The following EFCAB5 variants were observed in gnomAD, a reference collection of about 807,000 sequenced individuals.
The protein encoded by EFCAB5 is EF-hand calcium-binding domain-containing protein 5.
In EFCAB5, 131 loss-of-function variants were observed where a neutral mutation model predicts 167.9. The observed-to-expected ratio is 0.78, with a 90% CI of 0.68 to 0.90. The LOEUF (loss-of-function observed/expected upper bound fraction) is 0.90, where lower values mean the gene tolerates loss of function less well. Among genes scored for constraint, EFCAB5 ranks in the 40% least tolerant of loss-of-function variants. The pLI is 0.00. For synonymous variants in EFCAB5, 574 were observed against 602.8 expected (o/e 0.95, Z 0.70); for missense variants, 1,663 against 1,745.2 (o/e 0.95, Z 0.84).
intron 14 of EFCAB5, chr17:30,073,154 C>T (rs2151824005): frequency 1.4e-6 from 1 of 699,706 alleles, no homozygotes; most frequent in East Asian, 2.7e-5. Flanking sequence ...CTCCCGGACT[C>T]AAGCGATCAT....
At chr17:30,081,158 T>C (rs1039421788) in intron 17 of EFCAB5, among the ~76,000 whole-genome samples, 177 bp downstream of exon 17, 2 of 152,226 alleles carry the variant, frequency 1.3e-5, no homozygotes, top group African/African-American at 4.8e-5. Flanking sequence ...CCATTACTTA[T>C]GGAAGGACTT....
chr17:29,989,400 T>C (rs1313909786), intron 4 of EFCAB5, among the ~76,000 whole-genome samples: 1 of 152,248 alleles, frequency 6.6e-6, no homozygotes, highest in African/African-American at 2.4e-5. Context: ...TGGCAAATTG[T>C]TGGACTGTTT....
Position 30,053,533 on chromosome 17 carries a change from C to T in EFCAB5, c.1579C>T (p.Gln527Ter). 3 of 1,613,760 alleles carry T rather than the reference C, an allele frequency of 1.9e-6. No individual in the cohort carries two copies. The highest frequency in any genetic ancestry group is 2.5e-6 in the Non-Finnish European group (3 of 1,179,828). ...ACAAAGAATTTCAATTGAAGAACAA[C>T]AACAAGGCAAAAAGCCAACTGCAGA... ...GPQRISIEEQ[Q>*]QGKKPTAEQE... The change falls in exon 10 of 23, where the codon CAA becomes TAA. Residue 527 changes from glutamine (Q) to a stop codon, truncating the protein, a stop_gained. Coordinates refer to ENST00000394835, the MANE Select transcript of EFCAB5 (RefSeq NM_198529.4). LOFTEE classifies it high-confidence loss of function.
In EFCAB5 at chr17:30,051,004, A is replaced by G. The variant is rs2070076553; in HGVS notation, c.1201-114A>G. On this transcript the variant is annotated intron_variant, in intron 8 of 22. Transcript: ENST00000394835. The stretch of plus-strand genomic sequence containing the variant: ...TGATGCTGCAGCTTTTATTTACATG[A>G]TAATGATTGTTGTGGTGATAGTGAT... 3 of 762,648 alleles carry G rather than the reference A, an allele frequency of 3.9e-6. No homozygotes were observed. The South Asian group carries it at 5.4e-5, about 14-fold the overall frequency. The allele number at this position is 762,648 out of a possible 1,614,324, so 47.2% of individuals were successfully genotyped here.
intron 20 of EFCAB5, 127 bp downstream of exon 20, chr17:30,090,801 A>T: frequency 7.5e-7 from 1 of 1,339,852 alleles, no homozygotes; most frequent in African/African-American, 1.5e-5. Context: ...TTCATATAAA[A>T]GGAATTCCCT....
chr17:30,055,749 T>C (rs1178233832), intron 10 of EFCAB5, 139 bp from the exon 11 acceptor site: 3 of 803,048 alleles, frequency 3.7e-6, no homozygotes, highest in Non-Finnish European at 5.8e-6. Flanking sequence ...TGTGGTCGAT[T>C]GCAACACTGC....
intron 22 of EFCAB5, among the ~76,000 whole-genome samples, chr17:30,105,417 A>C (rs1182141954): frequency 6.6e-6 from 1 of 152,034 alleles, no homozygotes; most frequent in Non-Finnish European, 1.5e-5. Context: ...AACCCAGGAG[A>C]CGGAGGTTGC....
chr17:30,080,736 A>G lies in EFCAB5; in HGVS notation c.3198-17A>G. On this transcript the variant is annotated splice_polypyrimidine_tract_variant and intron_variant, in intron 16 of 22. Transcript: ENST00000394835. ...CTCCCTGTGCCTTTCTTCCATCCTC[A>G]TACTCTTTTTCCTCAGCTTTACAGT... The G allele has an allele frequency of 6.4e-7, 1 of 1,555,712 alleles. No homozygotes were observed. Among genetic ancestry groups the G allele is most frequent in the Non-Finnish European group, 8.8e-7 (1 of 1,141,362 alleles).
chr17:29,975,955 G>A (rs2068056448), intron 4 of EFCAB5, among the ~76,000 whole-genome samples: 1 of 152,172 alleles, frequency 6.6e-6, no homozygotes, highest in Non-Finnish European at 1.5e-5. Context: ...GAGAGGTTTA[G>A]TACTAGTGAA....
chr17:29,943,083 A>G (rs574292172), intron 2 of EFCAB5, among the ~76,000 whole-genome samples: 1 of 151,994 alleles, frequency 6.6e-6, no homozygotes, highest in East Asian at 1.9e-4. Context: ...TTTAAAGTAC[A>G]TTAGCATGTA....
At chr17:30,099,259 C>T (rs2071347645) in intron 22 of EFCAB5, among the ~76,000 whole-genome samples, 1 of 152,074 alleles carries the variant, frequency 6.6e-6, no homozygotes, top group African/African-American at 2.4e-5. Flanking sequence ...ACAGCCTGGG[C>T]AACATAGTGA....
intron 8 of EFCAB5, among the ~76,000 whole-genome samples, chr17:30,048,290 G>A (rs1202140872): frequency 1.3e-5 from 2 of 151,722 alleles, no homozygotes; most frequent in East Asian, 3.9e-4. Context: ...TGGTAGGAAG[G>A]ACCTGGTATT....
intron 8 of EFCAB5, among the ~76,000 whole-genome samples, chr17:30,041,195 G>A (rs1211924443): frequency 1.5e-4 from 22 of 149,546 alleles, no homozygotes; most frequent in African/African-American, 4.5e-4. Context: ...AGGAAGGAAG[G>A]AAGGAAGAAA....
chr17:30,014,320 T>C (rs2068978726), intron 7 of EFCAB5, among the ~76,000 whole-genome samples: 2 of 152,188 alleles, frequency 1.3e-5, no homozygotes, highest in Admixed American at 6.5e-5. Context: ...CTATTAGGTC[T>C]GCTTAGTGCA....
In EFCAB5 at chr17:30,032,701, C is replaced by T. The variant is rs116122361; in HGVS notation, c.1045-1529C>T. ...GTTCAACTCAATATATTAATAAAAGCATGTAGTTTTTGCCATTTCTTTGGA... is the reference window on the plus strand; with the variant it reads ...GTTCAACTCAATATATTAATAAAAGTATGTAGTTTTTGCCATTTCTTTGGA... On this transcript the variant is annotated intron_variant, in intron 7 of 22. Transcript: ENST00000394835. 8.0e-3 allele frequency among the ~76,000 whole-genome samples: 1,219 copies of T among 152,272 alleles called. 21 individuals are homozygous for T. Among genetic ancestry groups the T allele is most frequent in the African/African-American group, 0.028 (1,173 of 41,554 alleles).
intron 7 of EFCAB5, among the ~76,000 whole-genome samples, chr17:30,023,923 A>G (rs774106547): frequency 2.0e-5 from 3 of 152,198 alleles, no homozygotes; most frequent in African/African-American, 7.2e-5. Context: ...AGAACTGAAG[A>G]CAAAAGCCAC....
chr17:30,060,238 A>T (rs566964088), intron 14 of EFCAB5, among the ~76,000 whole-genome samples: 29 of 85,380 alleles, frequency 3.4e-4, no homozygotes, highest in African/African-American at 6.1e-4. Flanking sequence ...AAAAAAATTT[A>T]AAAAAAAGGT....
intron 3 of EFCAB5, among the ~76,000 whole-genome samples, chr17:29,965,675 G>C (rs186848333): frequency 6.6e-6 from 1 of 152,088 alleles, no homozygotes; most frequent in African/African-American, 2.4e-5. Context: ...TTTTGGTACC[G>C]TTGTCAAAAA....
chr17:30,090,323 G>A (rs1440741960), intron 19 of EFCAB5, 98 bp from the exon 20 acceptor site: 2 of 1,451,088 alleles, frequency 1.4e-6, no homozygotes, highest in Non-Finnish European at 1.8e-6. Flanking sequence ...CATGGTGGAA[G>A]TGAGGTAGGC....
Sources: gnomAD v4.1 joint callset for allele counts (sites outside exome capture counted in the v4.1 genomes callset) on GRCh38, gnomAD v4.1.1 for gene constraint, MANE v1.5 for transcripts, NCBI Gene and HGNC (gene_info 2026-07-23, HGNC 2026-07-21) for gene names.